SERINC5: variants seen among roughly 807,000 people sequenced by gnomAD.
SERINC5 encodes chromosome 5 open reading frame 12.
A neutral mutation model predicts 63.1 loss-of-function variants in SERINC5; 41 were observed. That is an observed-to-expected ratio of 0.65 (90% confidence interval 0.51 to 0.84). SERINC5 has a LOEUF of 0.84. Ranked by LOEUF, SERINC5 falls within the 40% of genes least tolerant of loss-of-function variation. The probability of loss-of-function intolerance (pLI) is 0.00; values close to 1 mark genes in which losing one functional copy is unlikely to be tolerated. For missense variants in SERINC5, 523 were observed against 573.0 expected, an observed-to-expected ratio of 0.91 and a Z score of 0.89; for synonymous variants, 222 against 215.2, an observed-to-expected ratio of 1.03 and a Z score of -0.28.
intron 7 of SERINC5, among the ~76,000 whole-genome samples, chr5:80,161,887 G>A (rs533738693): frequency 1.3e-5 from 2 of 150,968 alleles, no homozygotes; most frequent in Admixed American, 6.7e-5. Context: ...GTTGATTTTT[G>A]TATGTGGTGA....
Position 80,139,526 on chromosome 5 carries a change from T to C in SERINC5, c.*4137A>G. The C allele has an allele frequency of 3.0e-6, 3 of 985,024 alleles. No homozygotes were observed. Among genetic ancestry groups the C allele is most frequent in the Non-Finnish European group, 3.6e-6 (3 of 829,856 alleles). 61.0% of individuals were successfully genotyped at this position (985,024 alleles called of 1,614,324 possible). ...TTTGCTTAAGGAAAAAAAAAGCTCT[T>C]TGGTAAAGGCCAAATATTTCAACCT... On this transcript the variant is annotated 3_prime_UTR_variant, in exon 12 of 12. Transcript: ENST00000507668.
intron 8 of SERINC5, among the ~76,000 whole-genome samples, chr5:80,152,326 C>T (rs1295912085): frequency 6.6e-6 from 1 of 151,988 alleles, no homozygotes; most frequent in East Asian, 1.9e-4. Context: ...CTTGGCAAAA[C>T]CCTGTCGCTA....
chr5:80,116,677 A>G (rs1340623535), intron 11 of SERINC5, among the ~76,000 whole-genome samples: 2 of 151,950 alleles, frequency 1.3e-5, no homozygotes, highest in African/African-American at 4.8e-5. Context: ...CAGCCCAACC[A>G]TATGTTCACT....
intron 1 of SERINC5, among the ~76,000 whole-genome samples, chr5:80,231,202 A>C (rs2112565005): frequency 6.6e-6 from 1 of 152,288 alleles, no homozygotes; most frequent in South Asian, 2.1e-4. Context: ...ACTATAGAAA[A>C]CCCAATCAAA....
At chr5:80,125,766 C>T (rs147711109) in intron 11 of SERINC5, among the ~76,000 whole-genome samples, 19 of 152,130 alleles carry the variant, frequency 1.2e-4, no homozygotes, top group Non-Finnish European at 2.5e-4. Context: ...GCTTTGGATA[C>T]GGAGAAGAGC....
intron 1 of SERINC5, among the ~76,000 whole-genome samples, chr5:80,228,172 C>G (rs1291366765): frequency 1.4e-5 from 2 of 147,214 alleles, no homozygotes; most frequent in African/African-American, 5.0e-5. Flanking sequence ...GTCAAGAAGG[C>G]TACAGTGAGC....
At chr5:80,127,277 C>A (rs76510590) in intron 11 of SERINC5, among the ~76,000 whole-genome samples, 13,275 of 152,180 alleles carry the variant, frequency 0.087, 718 homozygotes, top group East Asian at 0.2. Flanking sequence ...CTTGCTTTGA[C>A]CAATGCAATG....
chr5:80,177,302 A>AC lies in SERINC5; in HGVS notation c.457+12dup. On this transcript the variant is annotated intron_variant, in intron 4 of 11. Transcript: ENST00000507668. ...AACAAAATAAACAGATACCCAAAAT[A>AC]CCCCATTAGTACCGTTCAGAAAGGT... The AC allele has an allele frequency of 6.3e-7, 1 of 1,585,540 alleles. No homozygotes were observed. The highest frequency in any genetic ancestry group is 8.6e-7 in the Non-Finnish European group (1 of 1,159,986).
At position 80,169,515 on chromosome 5, in the gene SERINC5, A is replaced by G. The variant is rs1338704397; in HGVS notation, c.583T>C (p.Tyr195His). ...AGCGTCACCAGGGCCAGGGAGGCGT[A>G]CCACAGCTTGTTACTGGCTGTGCCT... ...TAGTASNKLW[Y>H]ASLALVTLIM... is the part of the protein sequence containing the mutation. The change falls in exon 6 of 12, where the codon TAC becomes CAC. Residue 195 changes from tyrosine to histidine, a missense_variant. Physicochemically the swap from Tyr to His is moderately conservative, Grantham distance 83. Coordinates refer to ENST00000507668, the MANE Select transcript of SERINC5 (RefSeq NM_001174072.3). 25 of 1,613,634 alleles carry G rather than the reference A, an allele frequency of 1.5e-5. No homozygotes were observed. Among genetic ancestry groups the G allele is most frequent in the Non-Finnish European group, 2.0e-5 (24 of 1,179,798 alleles).
intron 11 of SERINC5, among the ~76,000 whole-genome samples, chr5:80,115,342 T>G (rs1464269604): frequency 6.6e-6 from 1 of 151,976 alleles, no homozygotes; most frequent in Non-Finnish European, 1.5e-5. Context: ...CATCCAAGGT[T>G]GTCTCTCCAA....
chr5:80,211,166 C>T (rs1328553103), intron 1 of SERINC5, among the ~76,000 whole-genome samples: 1 of 152,162 alleles, frequency 6.6e-6, no homozygotes, highest in Non-Finnish European at 1.5e-5. Flanking sequence ...AAGGAGAAGC[C>T]AGAACTAAAA....
intron 1 of SERINC5, among the ~76,000 whole-genome samples, chr5:80,250,085 G>C (rs1328666948): frequency 6.6e-6 from 1 of 152,106 alleles, no homozygotes; most frequent in East Asian, 1.9e-4. Flanking sequence ...AGCTCAACAG[G>C]GGGTTCAGCT....
chr5:80,236,472 A>G (rs568859304), intron 1 of SERINC5, among the ~76,000 whole-genome samples: 1 of 152,284 alleles, frequency 6.6e-6, no homozygotes, highest in East Asian at 1.9e-4. Flanking sequence ...CTCAGTAGAA[A>G]GCAGGTTTGT....
In SERINC5 at chr5:80,158,889, G is replaced by C. The variant is rs1175590808; in HGVS notation, c.933C>G (p.Asn311Lys). 4 of 1,613,650 alleles carry C rather than the reference G, an allele frequency of 2.5e-6. No homozygotes were observed. Among genetic ancestry groups the C allele is most frequent in the Non-Finnish European group, 3.4e-6 (4 of 1,179,690 alleles). The change falls in exon 8 of 12, where the codon AAC becomes AAG. Residue 311 changes from asparagine to lysine, a missense_variant. Coordinates refer to ENST00000507668, the MANE Select transcript of SERINC5 (RefSeq NM_001174072.3). ...GGCTGGTCCCCAGTATAGTCACCAA[G>C]TTTTCATCTCTGTACAGGTCTTGAC... ...DFGQDLYRDENLVTILGTSLL... is the reference protein window; with the variant it reads ...DFGQDLYRDEKLVTILGTSLL...
At chr5:80,222,825 C>T (rs1750973058) in intron 1 of SERINC5, among the ~76,000 whole-genome samples, 1 of 152,002 alleles carries the variant, frequency 6.6e-6, no homozygotes, top group South Asian at 2.1e-4. Context: ...CCACCCGCCT[C>T]GGCCTCCCAA....
intron 11 of SERINC5, among the ~76,000 whole-genome samples, chr5:80,116,688 C>T (rs991786081): frequency 2.6e-5 from 4 of 152,042 alleles, no homozygotes; most frequent in African/African-American, 4.8e-5. Flanking sequence ...TATGTTCACT[C>T]GTTCATTAAC....
intron 11 of SERINC5, chr5:80,128,468 T>C (rs976096930): frequency 6.6e-6 from 1 of 152,010 alleles, no homozygotes; most frequent in Non-Finnish European, 1.5e-5. Flanking sequence ...ACTGATATAA[T>C]GGTTATACAA....
At chr5:80,131,159 T>TG (rs1449897098) in intron 11 of SERINC5, among the ~76,000 whole-genome samples, 8 of 152,158 alleles carry the variant, frequency 5.3e-5, no homozygotes, top group Admixed American at 2.0e-4. Flanking sequence ...CCATGTGTCA[T>TG]GGGGGGGACC....
At chr5:80,163,383 T>C (rs963252844) in intron 7 of SERINC5, among the ~76,000 whole-genome samples, 1 of 152,174 alleles carries the variant, frequency 6.6e-6, no homozygotes, top group Non-Finnish European at 1.5e-5. Flanking sequence ...TGAATAGGCA[T>C]GGTGAAGGCA....
Sources: gnomAD v4.1 joint callset for allele counts (sites outside exome capture counted in the v4.1 genomes callset) on GRCh38, gnomAD v4.1.1 for gene constraint, MANE v1.5 for transcripts, NCBI Gene and HGNC (gene_info 2026-07-23, HGNC 2026-07-21) for gene names.